POTEF: variants seen among roughly 807,000 people sequenced by gnomAD.
POTEF encodes ANKRD26-like family C member 1B.
A neutral mutation model predicts 83.2 loss-of-function variants in POTEF; 20 were observed. The observed-to-expected ratio is 0.24, with a 90% CI of 0.17 to 0.35. POTEF has a LOEUF of 0.35. POTEF is among the 10% of genes least tolerant of loss of function. The pLI is 1.00. For synonymous variants in POTEF, 196 were observed against 446.4 expected, an observed-to-expected ratio of 0.44 and a Z score of 7.07; for missense variants, 550 against 1,203.2, an observed-to-expected ratio of 0.46 and a Z score of 8.03.
At chr2:130,118,425 A>G (rs1268374886) in intron 3 of POTEF, among the ~76,000 whole-genome samples, 3 of 148,300 alleles carry the variant, frequency 2.0e-5, no homozygotes, top group South Asian at 2.1e-4. Context: ...GGCCAGGCAC[A>G]GTGGCTCACG....
rs1274744784 is a variant in POTEF at position 130,129,081 on chromosome 2, G to C, written c.-259C>G. 1 of 106,212 alleles carries C rather than the reference G, an allele frequency of 9.4e-6. No individual in the cohort carries two copies. The highest frequency in any genetic ancestry group is 1.9e-5 in the Non-Finnish European group (1 of 51,572). The allele number at this position is 106,212 out of a possible 1,614,324, so 6.6% of individuals were successfully genotyped here. On this transcript the variant is annotated 5_prime_UTR_variant, in exon 1 of 17. Transcript: ENST00000409914. ...TCCCCGGATAACTCACCTACACCAG[G>C]ACATTTCTACCACTCTGGCCGAGCT... is the stretch of plus-strand genomic sequence containing the variant.
At chr2:130,117,935 CTTTTTTTTTTCT>C (rs779739656) in intron 3 of POTEF, among the ~76,000 whole-genome samples, 82 of 44,960 alleles carry the variant, frequency 1.8e-3, no homozygotes, top group Middle Eastern at 0.015. Flanking sequence ...TATTTCATTC[CTTTTTTTTTTCT>C]TTTTTTTTTT....
chr2:130,117,924 G>GT lies in POTEF; in HGVS notation c.521+2070dup, dbSNP rs1407756668. Among the ~76,000 whole-genome samples the GT allele has an allele frequency of 5.3e-5, 8 of 150,508 alleles. No individual in the cohort carries two copies. The East Asian group carries it at 1.2e-3, about 22-fold the overall frequency. On this transcript the variant is annotated intron_variant, in intron 3 of 16. Transcript: ENST00000409914. ...TCACAAACTTTGTGGATAAAAAACA[G>GT]TATTTCATTCCTTTTTTTTTTCTTT...
chr2:130,103,372 TAG>T (rs2104803496), intron 8 of POTEF, among the ~76,000 whole-genome samples: 1 of 150,948 alleles, frequency 6.6e-6, no homozygotes, highest in South Asian at 2.1e-4. Context: ...ATGCTGGGAT[TAG>T]AGGTGTGAGC....
At chr2:130,109,809 G>C (rs926011568) in intron 7 of POTEF, 6 of 151,854 alleles carry the variant, frequency 4.0e-5, no homozygotes, top group African/African-American at 7.3e-5. Context: ...AATATGCGGG[G>C]AAGGGTCAAT....
chr2:130,080,304 T>A lies in POTEF; in HGVS notation c.1779-3103A>T, dbSNP rs1245731548. On this transcript the variant is annotated intron_variant, in intron 15 of 16. Transcript: ENST00000409914. Reference sequence around the variant, plus strand: ...TATTCAGTCAAAATATAGAAAAAGCTAGATTTGCCAGCAGAAAATTGTTAA... The same window carrying A: ...TATTCAGTCAAAATATAGAAAAAGCAAGATTTGCCAGCAGAAAATTGTTAA... Among the ~76,000 whole-genome samples, 65 of 95,568 alleles carry A rather than the reference T, an allele frequency of 6.8e-4. 2 individuals carry two copies. Among genetic ancestry groups the A allele is most frequent in the African/African-American group, 2.7e-3 (57 of 21,362 alleles). The allele number at this position is 95,568 out of a possible 152,430, so 62.7% of individuals were successfully genotyped here.
At chr2:130,127,319 T>C (rs1474508945) in intron 2 of POTEF, among the ~76,000 whole-genome samples, 1 of 79,932 alleles carries the variant, frequency 1.3e-5, no homozygotes, top group Non-Finnish European at 2.1e-5. Context: ...AGCGAGACTC[T>C]GTCTCAAAAA....
chr2:130,107,744 C>T (rs2104810320), intron 8 of POTEF: 2 of 424,606 alleles, frequency 4.7e-6, no homozygotes, highest in Middle Eastern at 6.8e-4. Context: ...TCACTTTGCC[C>T]CCAGATGAGA....
At chr2:130,097,770 C>G (rs1429564556) in intron 11 of POTEF, among the ~76,000 whole-genome samples, 1 of 151,878 alleles carries the variant, frequency 6.6e-6, no homozygotes, top group Non-Finnish European at 1.5e-5. Flanking sequence ...AGAAAATAAT[C>G]TTATTTTATA....
intron 15 of POTEF, among the ~76,000 whole-genome samples, chr2:130,077,408 A>C (rs1683848346): frequency 6.6e-6 from 1 of 152,252 alleles, no homozygotes; most frequent in South Asian, 2.1e-4. Context: ...TTTTCCAGGA[A>C]CCTGAGGTGG....
At chr2:130,118,939 T>G (rs1020813459) in intron 3 of POTEF, among the ~76,000 whole-genome samples, 4 of 150,922 alleles carry the variant, frequency 2.7e-5, no homozygotes, top group Non-Finnish European at 4.4e-5. Flanking sequence ...ATTTCTAAAT[T>G]TCCTATTCTG....
chr2:130,083,298 G>T (rs1246468989), intron 15 of POTEF, among the ~76,000 whole-genome samples: 5 of 152,030 alleles, frequency 3.3e-5, no homozygotes, highest in Non-Finnish European at 1.5e-5. Flanking sequence ...TCATGCCACT[G>T]AACTCCAGCC....
intron 1 of POTEF, among the ~76,000 whole-genome samples, chr2:130,128,548 A>ACC (rs60783655): frequency 2.5e-5 from 2 of 79,762 alleles, no homozygotes; most frequent in African/African-American, 4.6e-5. Flanking sequence ...TAACCCCAAT[A>ACC]CCCCCCCCAA....
intron 12 of POTEF, among the ~76,000 whole-genome samples, chr2:130,090,708 G>GA (rs1170250387): frequency 2.1e-5 from 3 of 143,204 alleles, no homozygotes; most frequent in African/African-American, 8.0e-5. Flanking sequence ...TTTCTTACAG[G>GA]AAAAAAAATT....
In POTEF at chr2:130,103,269, A is replaced by G. The variant is rs1412116597; in HGVS notation, c.1127-1089T>C. 2.7e-5 allele frequency among the ~76,000 whole-genome samples: 4 copies of G among 149,532 alleles called. 1 individual carries two copies. The highest frequency in any genetic ancestry group is 1.0e-4 in the African/African-American group (4 of 39,604). On this transcript the variant is annotated intron_variant, in intron 8 of 16. Coordinates refer to ENST00000409914, the MANE Select transcript of POTEF (RefSeq NM_001099771.2). ...AGGCATGTACCATCATGCCCAGCTA[A>G]TTTTCGTGTTTTTAGTAGAGACGGG...
Position 130,118,557 on chromosome 2 carries a change from C to G in POTEF, c.521+1438G>C, listed in dbSNP as rs1282311542. Among the ~76,000 whole-genome samples, 86 of 150,390 alleles carry G rather than the reference C, an allele frequency of 5.7e-4. 1 individual carries two copies. In the East Asian group the frequency reaches 0.016, roughly 28 times the overall value. ...TAAAAATACAAAGCAATTAGCCAGGCGTGGTGGCAGGCGCCTGTAATCCCA... is the reference window on the plus strand; with the variant it reads ...TAAAAATACAAAGCAATTAGCCAGGGGTGGTGGCAGGCGCCTGTAATCCCA... On this transcript the variant is annotated intron_variant, in intron 3 of 16. Transcript: ENST00000409914.
intron 3 of POTEF, among the ~76,000 whole-genome samples, chr2:130,116,168 A>G (rs1402302222): frequency 6.6e-6 from 1 of 151,866 alleles, no homozygotes; most frequent in Non-Finnish European, 1.5e-5. Flanking sequence ...GGTTTTCAAT[A>G]AACTTTAAGC....
At chr2:130,104,649 T>C (rs1269929383) in intron 8 of POTEF, among the ~76,000 whole-genome samples, 1 of 151,642 alleles carries the variant, frequency 6.6e-6, no homozygotes, top group African/African-American at 2.4e-5. Context: ...GCTGCCTTCA[T>C]ACGCTCCTTG....
chr2:130,120,339 G>T lies in POTEF; in HGVS notation c.177C>A (p.Ser59Arg). 1.2e-6 allele frequency: 2 copies of T among 1,607,882 alleles called. No homozygotes were observed. Among genetic ancestry groups the T allele is most frequent in the Middle Eastern group, 1.7e-4 (1 of 6,022 alleles). ...HDDSAMKTLR[S>R]KMGKWCRHCF... ...AGTGGCGGCACCACTTGCCCATCTT[G>T]CTCCTGAGTGTCTTCATAGCAGAGT... The change falls in exon 3 of 17, where the codon AGC (serine) becomes AGA (arginine). Residue 59 changes from serine to arginine, a missense_variant. By Grantham distance (110) the Ser-to-Arg change is moderately radical. Coordinates refer to ENST00000409914, the MANE Select transcript of POTEF (RefSeq NM_001099771.2).
Sources: allele counts gnomAD v4.1 joint callset (sites outside exome capture counted in the v4.1 genomes callset), GRCh38; gene constraint gnomAD v4.1.1; transcripts MANE v1.5; gene names NCBI Gene and HGNC (gene_info 2026-07-23, HGNC 2026-07-21).